The following MYO10 variants were observed in gnomAD, a reference collection of about 807,000 sequenced individuals.
MYO10 encodes myosin X.
Under a neutral mutation model 257.3 loss-of-function variants are expected in MYO10, and 133 were observed. That is an observed-to-expected ratio of 0.52 (90% CI 0.45 to 0.60). The LOEUF (loss-of-function observed/expected upper bound fraction) is 0.60. Ranked by LOEUF, MYO10 falls within the 20% of genes least tolerant of loss-of-function variation. The probability of loss-of-function intolerance (pLI) is 0.00; values close to 1 mark genes in which losing one functional copy is unlikely to be tolerated. For synonymous variants in MYO10, 1,104 were observed against 1,028.6 expected, an observed-to-expected ratio of 1.07 and a Z score of -1.40; for missense variants, 2,399 against 2,635.7, an observed-to-expected ratio of 0.91 and a Z score of 1.97.
chr5:16,758,280 G>C (rs945721635), intron 17 of MYO10, 54 bp from the exon 18 acceptor site: 3 of 1,228,102 alleles, frequency 2.4e-6, no homozygotes, highest in Non-Finnish European at 3.6e-6. Context: ...ATTATTAGGT[G>C]CAAGATTATT....
intron 40 of MYO10, 126 bp from the exon 41 acceptor site, chr5:16,666,919 T>G: frequency 1.4e-6 from 1 of 701,840 alleles, no homozygotes; most frequent in Non-Finnish European, 2.3e-6. Flanking sequence ...ACGGATCCCA[T>G]TTTGCAGGAA....
At chr5:16,732,023 G>C (rs1283684937) in intron 19 of MYO10, among the ~76,000 whole-genome samples, 1 of 152,158 alleles carries the variant, frequency 6.6e-6, no homozygotes, top group Admixed American at 6.5e-5. Flanking sequence ...GGGACTGAGG[G>C]GGTCTGTGTG....
At chr5:16,885,346 T>C (rs990815657) in intron 1 of MYO10, among the ~76,000 whole-genome samples, 2 of 152,106 alleles carry the variant, frequency 1.3e-5, no homozygotes, top group African/African-American at 2.4e-5. Context: ...AACTTAGCCA[T>C]GTGCAGATAA....
Position 16,754,854 on chromosome 5 carries a change from G to A in MYO10, c.1903C>T (p.Arg635Cys), listed in dbSNP as rs745697793. The change falls in exon 19 of 41, where the codon CGC becomes TGC. Residue 635 changes from arginine (R) to cysteine (C), a missense_variant. Physicochemically the swap from Arg to Cys is radical, Grantham distance 180 (BLOSUM62 -3). Coordinates refer to ENST00000513610, the MANE Select transcript of MYO10 (RefSeq NM_012334.3). The stretch of plus-strand genomic sequence containing the variant: ...TTCTGCATGTTTGGCTTGATACAGC[G>A]AACAAAGAAAGGATTAGAGGAGCTT... ...TLSSSNPFFV[R>C]CIKPNMQKMP... 5.0e-6 allele frequency: 8 copies of A among 1,603,972 alleles called. No individual in the cohort carries two copies. In the Admixed American group the frequency reaches 8.4e-5, roughly 17 times the overall value.
chr5:16,917,292 A>C (rs1745849646), intron 1 of MYO10, among the ~76,000 whole-genome samples: 1 of 152,232 alleles, frequency 6.6e-6, no homozygotes, highest in Non-Finnish European at 1.5e-5. Context: ...ATATTAAAAT[A>C]AAATACAAGA....
At chr5:16,852,853 C>A (rs937474113) in intron 2 of MYO10, among the ~76,000 whole-genome samples, 1 of 152,096 alleles carries the variant, frequency 6.6e-6, no homozygotes, top group African/African-American at 2.4e-5. Flanking sequence ...AATTAAAATG[C>A]CCCACATAAA....
intron 2 of MYO10, among the ~76,000 whole-genome samples, chr5:16,873,121 T>C (rs1267044240): frequency 6.6e-6 from 1 of 152,208 alleles, no homozygotes; most frequent in East Asian, 1.9e-4. Context: ...CTTCCACCTA[T>C]GAGCCTGTAA....
At chr5:16,848,155 C>CTTTTTTTTTTTTTTCT (rs2072849113) in intron 2 of MYO10, among the ~76,000 whole-genome samples, 3 of 113,596 alleles carry the variant, frequency 2.6e-5, no homozygotes, top group African/African-American at 1.1e-4. Flanking sequence ...CTACACATTT[C>CTTTTTTTTTTTTTTCT]TTTTTTTTTT....
intron 21 of MYO10, 89 bp from the exon 22 acceptor site, chr5:16,704,774 A>C: frequency 9.8e-7 from 1 of 1,024,212 alleles, no homozygotes; most frequent in East Asian, 2.6e-5. Context: ...TCTGGAGTTA[A>C]GGCTTTTTTC....
intron 1 of MYO10, among the ~76,000 whole-genome samples, chr5:16,924,446 G>A (rs1746076539): frequency 6.6e-6 from 1 of 152,114 alleles, no homozygotes; most frequent in Non-Finnish European, 1.5e-5. Flanking sequence ...GCTGCCAGCT[G>A]CACTGACACC....
At chr5:16,914,746 G>C (rs532924732) in intron 1 of MYO10, among the ~76,000 whole-genome samples, 1 of 152,284 alleles carries the variant, frequency 6.6e-6, no homozygotes, top group Non-Finnish European at 1.5e-5. Flanking sequence ...GTCACTGCCA[G>C]TCCTTGGAAC....
intron 33 of MYO10, 82 bp from the exon 34 acceptor site, chr5:16,676,236 A>C: frequency 1.3e-6 from 2 of 1,528,086 alleles, no homozygotes; most frequent in Non-Finnish European, 8.9e-7. Flanking sequence ...TCAAATATCC[A>C]TAAACCTAGT....
At chr5:16,779,060 A>G (rs1741323303) in intron 9 of MYO10, among the ~76,000 whole-genome samples, 1 of 152,158 alleles carries the variant, frequency 6.6e-6, no homozygotes, top group Non-Finnish European at 1.5e-5. Context: ...AGTTTTCCTG[A>G]TCGTGTGACA....
chr5:16,873,923 C>T (rs1049139797), intron 2 of MYO10, among the ~76,000 whole-genome samples: 3 of 152,154 alleles, frequency 2.0e-5, no homozygotes, highest in Admixed American at 2.0e-4. Context: ...ATGGGAGGGG[C>T]TGCCGTGAAG....
intron 37 of MYO10, 119 bp downstream of exon 37, chr5:16,672,570 A>T: frequency 8.1e-7 from 1 of 1,239,990 alleles, no homozygotes; most frequent in Non-Finnish European, 1.1e-6. Context: ...ACACAGGTAA[A>T]ATAAAACTAA....
chr5:16,770,957 G>A lies in MYO10; in HGVS notation c.931-1754C>T, dbSNP rs189335207. On this transcript the variant is annotated intron_variant, in intron 9 of 40. Transcript: ENST00000513610. ...CTAATTTTGTATTTTCAGTAGATAC[G>A]AGGTTTCTCCATGTTGGTCAGGCTG... Among the ~76,000 whole-genome samples the A allele has an allele frequency of 1.8e-4, 28 of 152,206 alleles. 1 individual carries two copies. The highest frequency in any genetic ancestry group is 1.7e-3 in the Admixed American group (26 of 15,276).
At chr5:16,924,600 T>C (rs1216866397) in intron 1 of MYO10, among the ~76,000 whole-genome samples, 1 of 152,206 alleles carries the variant, frequency 6.6e-6, no homozygotes, top group African/African-American at 2.4e-5. Context: ...GTTCATGCGC[T>C]GTTTTCTAGA....
chr5:16,852,973 A>ACTAGTGAGGGTAGT, intron 2 of MYO10, among the ~76,000 whole-genome samples: 1 of 152,334 alleles, frequency 6.6e-6, no homozygotes, highest in East Asian at 1.9e-4. Flanking sequence ...GTGAGGGTAG[A>ACTAGTGAGGGTAGT]ACTAGGAATG....
intron 19 of MYO10, among the ~76,000 whole-genome samples, chr5:16,729,185 ACT>A (rs1739484357): frequency 1.3e-5 from 2 of 152,200 alleles, no homozygotes; most frequent in South Asian, 4.1e-4. Flanking sequence ...ATAAAAATCC[ACT>A]GTTATTACAA....
Sources: allele counts gnomAD v4.1 joint callset (sites outside exome capture counted in the v4.1 genomes callset), GRCh38; gene constraint gnomAD v4.1.1; transcripts MANE v1.5; gene names NCBI Gene and HGNC (gene_info 2026-07-23, HGNC 2026-07-21).